The following COL9A3 variants were observed in gnomAD, a reference collection of about 807,000 sequenced individuals.
COL9A3 encodes the protein collagen type IX alpha 3 chain, also known as collagen alpha-3(IX) chain.
In COL9A3, 82 loss-of-function variants were observed where a neutral mutation model predicts 110.2. That is an observed-to-expected ratio of 0.74 (90% CI 0.62 to 0.89). The LOEUF is 0.89. Among genes scored for constraint, COL9A3 ranks in the 40% least tolerant of loss-of-function variants. The pLI is 0.00. For synonymous variants in COL9A3, 494 were observed against 403.8 expected (o/e 1.22, Z -2.68); for missense variants, 1,066 against 981.3 (o/e 1.09, Z -1.15).
chr20:62,828,926 G>A lies in COL9A3; in HGVS notation c.958G>A (p.Glu320Lys). The change falls in exon 19 of 32, where the codon GAG becomes AAG. Residue 320 changes from glutamate (E) to lysine (K), a missense_variant. Glu to Lys is a moderately conservative substitution (Grantham distance 56). Transcript: ENST00000649368. ...ACCCCAATCTCTGTCCTCACAGGGA[G>A]AGGCTGGTCGCAACGGTGCTCCGGG... ...GVPGLDGQKG[E>K]AGRNGAPGEK... The A allele has an allele frequency of 1.2e-6, 2 of 1,612,198 alleles. No individual in the cohort carries two copies. Among genetic ancestry groups the A allele is most frequent in the Admixed American group, 1.7e-5 (1 of 60,008 alleles).
At chr20:62,818,691 A>G (rs1991017639) in intron 3 of COL9A3, 138 bp downstream of exon 3, 1 of 879,068 alleles carries the variant, frequency 1.1e-6, no homozygotes, top group South Asian at 1.3e-5. Context: ...GAGGGCTTGG[A>G]GCAGGCCTGG....
At chr20:62,837,487 C>G (rs1055602365) in intron 30 of COL9A3, among the ~76,000 whole-genome samples, 2 of 152,186 alleles carry the variant, frequency 1.3e-5, no homozygotes, top group African/African-American at 4.8e-5. Flanking sequence ...ACCATTAGAA[C>G]AATATTTGGC....
rs78289147 is a variant in COL9A3 at position 62,829,380 on chromosome 20, G to A, written c.1009-75G>A. 2.1e-3 allele frequency: 3,282 copies of A among 1,590,962 alleles called. 50 individuals carry two copies. In the African/African-American group the frequency reaches 0.037, roughly 18 times the overall value. ...TCACTCTGGCCCCTGCACCCTGCCT[G>A]CGTGCACGCCCCTGGGTGCTGCTGC... is the stretch of plus-strand genomic sequence containing the variant. On this transcript the variant is annotated intron_variant, in intron 19 of 31. Transcript: ENST00000649368.
At chr20:62,832,960 G>C in intron 25 of COL9A3, 60 bp from the exon 26 acceptor site, 1 of 1,443,610 alleles carries the variant, frequency 6.9e-7, no homozygotes, top group South Asian at 1.1e-5. Flanking sequence ...GGACTTTAAG[G>C]CATGAAGTCC....
intron 13 of COL9A3, 80 bp downstream of exon 13, chr20:62,825,950 G>A (rs999770122): frequency 3.4e-5 from 49 of 1,448,648 alleles, no homozygotes; most frequent in African/African-American, 4.2e-5. Flanking sequence ...ATCTACCCCC[G>A]AGGGGGCCAG....
chr20:62,817,887 C>T, intron 2 of COL9A3: 1 of 624,120 alleles, frequency 1.6e-6, no homozygotes, highest in Non-Finnish European at 3.0e-6. Context: ...TCTCTGGGTC[C>T]CCTGAGGGGC....
chr20:62,823,397 T>C (rs563130858), intron 10 of COL9A3, among the ~76,000 whole-genome samples: 1 of 152,318 alleles, frequency 6.6e-6, no homozygotes, highest in Admixed American at 6.5e-5. Flanking sequence ...TCCTCTCTGT[T>C]TGGCCGTCCG....
chr20:62,824,894 G>T (rs1468736542), intron 11 of COL9A3, 74 bp from the exon 12 acceptor site: 8 of 1,457,200 alleles, frequency 5.5e-6, no homozygotes, highest in Non-Finnish European at 7.6e-6. Flanking sequence ...GACCCTGCAG[G>T]CCTCACTTCA....
rs549044273 is a variant in COL9A3 at position 62,826,808 on chromosome 20, G to C, written c.780G>C (p.Ala260=). 1.2e-6 allele frequency: 2 copies of C among 1,612,768 alleles called. No homozygotes were observed. The highest frequency in any genetic ancestry group is 1.7e-6 in the Non-Finnish European group (2 of 1,179,940). Residue 260 remains alanine (A), a synonymous_variant, in exon 15 of 32, where the codon GCG becomes GCC. Transcript: ENST00000649368. Reference sequence around the variant, plus strand: ...GAGGGCCGCCTGGGATCCCAGGAGCGCCTGGGAAAGCGGTACGTGTGTCAG... The same window carrying C: ...GAGGGCCGCCTGGGATCCCAGGAGCCCCTGGGAAAGCGGTACGTGTGTCAG... ...GFRGPPGIPG[A]PGKAGDRGER... is the part of the protein sequence containing the mutation.
Position 62,837,183 on chromosome 20 carries a change from AG to A in COL9A3, c.1706del (p.Gly569AlafsTer104). 1 of 1,612,614 alleles carries A rather than the reference AG, an allele frequency of 6.2e-7. No homozygotes were observed. Among genetic ancestry groups the A allele is most frequent in the Non-Finnish European group, 8.5e-7 (1 of 1,179,710 alleles). ...GCCCCCCTGGGCCCCCAGGACCCCC[AG>A]GCTCCATTGGTCACCCTGGCGCTCG... ...AGPPGPPGPP[G>X]SIGHPGARGP... On this transcript the variant is annotated frameshift_variant, in exon 30 of 32. Coordinates refer to ENST00000649368, the MANE Select transcript of COL9A3 (RefSeq NM_001853.4). LOFTEE classifies it high-confidence loss of function.
Position 62,824,135 on chromosome 20 carries a change from T to A in COL9A3, c.520-310T>A, listed in dbSNP as rs4809422. On this transcript the variant is annotated intron_variant, in intron 10 of 31. Coordinates refer to ENST00000649368, the MANE Select transcript of COL9A3 (RefSeq NM_001853.4). Reference sequence around the variant, plus strand: ...CGGAGTGGCCTCCTGGGGTCCCGTCTCTGTGTGGAGTGGCCTCCTGGGGTC... The same window carrying A: ...CGGAGTGGCCTCCTGGGGTCCCGTCACTGTGTGGAGTGGCCTCCTGGGGTC... Among the ~76,000 whole-genome samples the A allele has an allele frequency of 0.77, 16,588 of 21,510 alleles. 6,829 individuals are homozygous for A. The highest frequency in any genetic ancestry group is 0.88 in the Middle Eastern group (49 of 56). 14.1% of individuals were successfully genotyped at this position (21,510 alleles called of 152,430 possible). A position where few individuals can be genotyped will look rare whatever the true frequency, so the allele number is the denominator to read the frequency against.
intron 10 of COL9A3, among the ~76,000 whole-genome samples, chr20:62,823,797 G>T (rs965382106): frequency 6.6e-6 from 1 of 152,260 alleles, no homozygotes; most frequent in African/African-American, 2.4e-5. Context: ...GGATGGGCCC[G>T]ACCTGAGGCT....
chr20:62,832,828 C>G, intron 25 of COL9A3, 192 bp from the exon 26 acceptor site: 1 of 459,622 alleles, frequency 2.2e-6, no homozygotes, highest in Non-Finnish European at 3.5e-6. Flanking sequence ...TTTTTTGGCC[C>G]CGCCCCTGCC....
intron 31 of COL9A3, among the ~76,000 whole-genome samples, chr20:62,839,378 A>G (rs1002847017): frequency 4.6e-5 from 7 of 152,218 alleles, no homozygotes; most frequent in Admixed American, 2.0e-4. Flanking sequence ...CATACGTTGA[A>G]TATTTCCATT....
At chr20:62,817,031 C>T (rs1035963646), upstream of COL9A3, 9 of 1,199,922 alleles carry the variant, frequency 7.5e-6, no homozygotes, top group Non-Finnish European at 8.3e-6. Flanking sequence ...GCGCGCCGCC[C>T]GCCCCGACGC....
At chr20:62,827,166 G>T in intron 15 of COL9A3, 75 bp from the exon 16 acceptor site, 1 of 1,516,258 alleles carries the variant, frequency 6.6e-7, no homozygotes, top group Non-Finnish European at 9.1e-7. Context: ...GCCCGGGCCT[G>T]GAGGGGCCCC....
In COL9A3 at chr20:62,838,667, T is replaced by C. The variant is rs1600813085; in HGVS notation, c.1787-17T>C. ...CAGATACTCTAACCATATGTCTGTG[T>C]CCACACCTCGTGACAGGAAACCAGG... On this transcript the variant is annotated splice_polypyrimidine_tract_variant and intron_variant, in intron 30 of 31. Transcript: ENST00000649368. 1 of 1,551,176 alleles carries C rather than the reference T, an allele frequency of 6.4e-7. No homozygotes were observed. Among genetic ancestry groups the C allele is most frequent in the Non-Finnish European group, 8.7e-7 (1 of 1,146,426 alleles).
intron 20 of COL9A3, 64 bp from the exon 21 acceptor site, chr20:62,829,564 G>A (rs1399004304): frequency 1.9e-6 from 3 of 1,611,312 alleles, no homozygotes; most frequent in African/African-American, 1.3e-5. Context: ...AAGGGGCTGG[G>A]GGGCCAGCGA....
chr20:62,832,086 G>A, intron 24 of COL9A3, 68 bp from the exon 25 acceptor site: 1 of 1,488,928 alleles, frequency 6.7e-7, no homozygotes, highest in Non-Finnish European at 9.4e-7. Flanking sequence ...CCATTCCTGG[G>A]CCCAGGGCAG....
Sources: gnomAD v4.1 joint callset for allele counts (sites outside exome capture counted in the v4.1 genomes callset) on GRCh38, gnomAD v4.1.1 for gene constraint, MANE v1.5 for transcripts, NCBI Gene and HGNC (gene_info 2026-07-23, HGNC 2026-07-21) for gene names.